The following GREM1 variants were observed in gnomAD, a reference collection of about 807,000 sequenced individuals.
GREM1 encodes gremlin-1.
Under a neutral mutation model 13.1 loss-of-function variants are expected in GREM1, and 6 were observed. The observed-to-expected ratio is 0.46, with a 90% confidence interval of 0.25 to 0.91. GREM1 has a LOEUF of 0.91. GREM1 is among the 40% of genes least tolerant of loss of function. GREM1 has a pLI of 0.18. For synonymous variants in GREM1, 98 were observed against 93.7 expected (o/e 1.05, Z -0.27); for missense variants, 185 against 233.9 (o/e 0.79, Z 1.36).
chr15:32,719,241 G>A (rs906838480), intron 1 of GREM1, among the ~76,000 whole-genome samples: 6 of 152,228 alleles, frequency 3.9e-5, no homozygotes, highest in Non-Finnish European at 1.5e-5. Context: ...TACAGACTCC[G>A]GAAGAACAGA....
rs555473242 is a variant in GREM1, at chr15:32,741,327, G to A, written c.*10082G>A. 18 of 151,910 alleles carry A rather than the reference G, an allele frequency of 1.2e-4. No individual in the cohort carries two copies. The South Asian group carries it at 3.3e-3, about 28-fold the overall frequency. The allele number at this position is 151,910 out of a possible 1,614,324, so 9.4% of individuals were successfully genotyped here. A position where few individuals can be genotyped will look rare whatever the true frequency, so the allele number is the denominator to read the frequency against. On this transcript the variant is annotated 3_prime_UTR_variant, in exon 2 of 2. Coordinates refer to ENST00000651154, the MANE Select transcript of GREM1 (RefSeq NM_013372.7). ...AAATCCTTTAGTAAACAGTATCTAA[G>A]CCTTGTTTTTATGATATTGGGGAAC...
chr15:32,731,364 C>G lies in GREM1; in HGVS notation c.*119C>G, dbSNP rs1161267141. On this transcript the variant is annotated 3_prime_UTR_variant, in exon 2 of 2. Transcript: ENST00000651154. ...AGGCCAGAAGAACCCCCAGCTGCCTCCTGGCAGGAGCCTGCTTGTGCGTAG... is the reference window on the plus strand; with the variant it reads ...AGGCCAGAAGAACCCCCAGCTGCCTGCTGGCAGGAGCCTGCTTGTGCGTAG... 1.3e-6 allele frequency: 1 copy of G among 755,210 alleles called. No homozygotes were observed. The highest frequency in any genetic ancestry group is 1.8e-5 in the African/African-American group (1 of 56,696). The allele number at this position is 755,210 out of a possible 1,614,324, so 46.8% of individuals were successfully genotyped here.
chr15:32,730,568 A>G (rs552325484), intron 1 of GREM1, 122 bp from the exon 2 acceptor site: 2 of 674,946 alleles, frequency 3.0e-6, no homozygotes, highest in Non-Finnish European at 5.0e-6. Context: ...GTGAGAAGTA[A>G]ATGGAATATT....
chr15:32,730,895 C>A lies in GREM1; in HGVS notation c.205C>A (p.Pro69Thr). Residue 69 changes from proline to threonine, a missense_variant, in exon 2 of 2, where the codon CCC becomes ACC. By Grantham distance (38) the Pro-to-Thr change is conservative. Transcript: ENST00000651154. ...GGGCCAAGGGCGGGGCACTGCCATG[C>A]CCGGGGAGGAGGTGCTGGAGTCCAG... ...GRGQGRGTAM[P>T]GEEVLESSQE... 1 of 1,613,524 alleles carries A rather than the reference C, an allele frequency of 6.2e-7. No individual in the cohort carries two copies.
rs67118209 is a variant in GREM1, at chr15:32,738,083, C to CAAAAAAAAAAAAAAAAAAAAAAA, written c.*6866_*6888dup. The CAAAAAAAAAAAAAAAAAAAAAAA allele has an allele frequency of 4.8e-4, 9 of 18,928 alleles. 2 individuals are homozygous for CAAAAAAAAAAAAAAAAAAAAAAA. Among genetic ancestry groups the CAAAAAAAAAAAAAAAAAAAAAAA allele is most frequent in the Non-Finnish European group, 5.2e-4 (6 of 11,648 alleles). The allele number at this position is 18,928 out of a possible 1,614,324, so 1.2% of individuals were successfully genotyped here. ...GGAGGTTCTACCTAGGGTAATTAGG[C>CAAAAAAAAAAAAAAAAAAAAAAA]AAAAAAAAAAAAAAAAAAAAAAAAA... On this transcript the variant is annotated 3_prime_UTR_variant, in exon 2 of 2. Transcript: ENST00000651154.
In GREM1 at chr15:32,733,970, A is replaced by G. The variant is rs2055663983; in HGVS notation, c.*2725A>G. The G allele has an allele frequency of 4.1e-6, 1 of 241,062 alleles. No homozygotes were observed. The highest frequency in any genetic ancestry group is 5.7e-5 in the Admixed American group (1 of 17,564). The allele number at this position is 241,062 out of a possible 1,614,324, so 14.9% of individuals were successfully genotyped here. The stretch of plus-strand genomic sequence containing the variant: ...CACTGTGTGGAATGTGAATAGTTAA[A>G]TGAAAAGTTATGGTTATTTAATGTA... On this transcript the variant is annotated 3_prime_UTR_variant, in exon 2 of 2. Transcript: ENST00000651154.
Position 32,733,397 on chromosome 15 carries a change from A to C in GREM1, c.*2152A>C, listed in dbSNP as rs1177947953. On this transcript the variant is annotated 3_prime_UTR_variant, in exon 2 of 2. Transcript: ENST00000651154. ...ACACTGAATTTCTCTTGTTGTTTTA[A>C]CTCTGCCACAAGAATGCAATTTCGT... 4.4e-6 allele frequency: 1 copy of C among 227,020 alleles called. No homozygotes were observed. The highest frequency in any genetic ancestry group is 9.5e-6 in the Non-Finnish European group (1 of 104,720). The allele number at this position is 227,020 out of a possible 1,614,324, so 14.1% of individuals were successfully genotyped here. A position where few individuals can be genotyped will look rare whatever the true frequency, so the allele number is the denominator to read the frequency against.
intron 1 of GREM1, among the ~76,000 whole-genome samples, chr15:32,730,123 C>T (rs1567112500): frequency 6.6e-6 from 1 of 152,200 alleles, no homozygotes. Flanking sequence ...AGTTACTGCA[C>T]CAGGAGCGCG....
intron 1 of GREM1, among the ~76,000 whole-genome samples, chr15:32,725,549 T>C (rs1165076717): frequency 6.6e-6 from 1 of 152,236 alleles, no homozygotes; most frequent in Non-Finnish European, 1.5e-5. Context: ...CTTTGTCAGA[T>C]GGATAGACTG....
At position 32,733,397 on chromosome 15, in the gene GREM1, ACT is replaced by A; in HGVS notation, c.*2155_*2156del. 4.4e-6 allele frequency: 1 copy of A among 227,138 alleles called. No individual in the cohort carries two copies. The highest frequency in any genetic ancestry group is 1.9e-4 in the South Asian group (1 of 5,364). 14.1% of individuals were successfully genotyped at this position (227,138 alleles called of 1,614,324 possible). ...ACACTGAATTTCTCTTGTTGTTTTA[ACT>A]CTGCCACAAGAATGCAATTTCGTTA... On this transcript the variant is annotated 3_prime_UTR_variant, in exon 2 of 2. Transcript: ENST00000651154.
Position 32,733,152 on chromosome 15 carries a change from G to A in GREM1, c.*1907G>A, listed in dbSNP as rs201393123. 6 of 229,994 alleles carry A rather than the reference G, an allele frequency of 2.6e-5. No individual in the cohort carries two copies. The highest frequency in any genetic ancestry group is 5.8e-5 in the Admixed American group (1 of 17,136). 14.2% of individuals were successfully genotyped at this position (229,994 alleles called of 1,614,324 possible). On this transcript the variant is annotated 3_prime_UTR_variant, in exon 2 of 2. Transcript: ENST00000651154. ...ACTACTGATGATTCTCACGCTAGGC[G>A]AATTTGTCCAAACACATAGTGTGTG... is the stretch of plus-strand genomic sequence containing the variant.
rs1009463998 is a variant in GREM1, at chr15:32,744,267, G to A, written c.*13022G>A. The A allele has an allele frequency of 3.3e-5, 5 of 152,004 alleles. No individual in the cohort carries two copies. The highest frequency in any genetic ancestry group is 5.9e-5 in the Non-Finnish European group (4 of 67,996). The allele number at this position is 152,004 out of a possible 1,614,324, so 9.4% of individuals were successfully genotyped here. A position where few individuals can be genotyped will look rare whatever the true frequency, so the allele number is the denominator to read the frequency against. On this transcript the variant is annotated 3_prime_UTR_variant, in exon 2 of 2. Coordinates refer to ENST00000651154, the MANE Select transcript of GREM1 (RefSeq NM_013372.7). The stretch of plus-strand genomic sequence containing the variant: ...AGTGCCCTAACCAGTATCTACATCT[G>A]AGTCATTAAGAAAGTTTCAGACAGG...
At chr15:32,720,995 A>G (rs924607284) in intron 1 of GREM1, among the ~76,000 whole-genome samples, 5 of 152,178 alleles carry the variant, frequency 3.3e-5, no homozygotes, top group South Asian at 2.1e-4. Flanking sequence ...CGTCTCTACT[A>G]AAAACACAAA....
At position 32,724,871 on chromosome 15, in the gene GREM1, G is replaced by A. The variant is rs530736658; in HGVS notation, c.-1-5819G>A. Reference sequence around the variant, plus strand: ...TTCTCATTGTTCAACTCCCACTTATGAGTGAGAGCATGCGGTGTTTGGTTT... The same window carrying A: ...TTCTCATTGTTCAACTCCCACTTATAAGTGAGAGCATGCGGTGTTTGGTTT... On this transcript the variant is annotated intron_variant, in intron 1 of 1. Coordinates refer to ENST00000651154, the MANE Select transcript of GREM1 (RefSeq NM_013372.7). Among the ~76,000 whole-genome samples the A allele has an allele frequency of 2.0e-4, 30 of 149,956 alleles. 2 individuals carry two copies. Among genetic ancestry groups the A allele is most frequent in the Middle Eastern group, 3.4e-3 (1 of 290 alleles).
At chr15:32,720,043 C>G (rs1011624247) in intron 1 of GREM1, among the ~76,000 whole-genome samples, 5 of 152,038 alleles carry the variant, frequency 3.3e-5, no homozygotes, top group South Asian at 2.1e-4. Context: ...TTAACTATTT[C>G]AGGGATTTTT....
At chr15:32,729,835 AT>A (rs1341288855) in intron 1 of GREM1, among the ~76,000 whole-genome samples, 1 of 123,276 alleles carries the variant, frequency 8.1e-6, no homozygotes, top group African/African-American at 2.6e-5. Context: ...AGGTAGAAAA[AT>A]GTATATCGTG....
rs2055628025 is a variant in GREM1 at position 32,732,040 on chromosome 15, C to T, written c.*795C>T. On this transcript the variant is annotated 3_prime_UTR_variant, in exon 2 of 2. Transcript: ENST00000651154. The stretch of plus-strand genomic sequence containing the variant: ...TAGTATTTAACAGAACCCAAGTGAA[C>T]AGAGGAGAAATGAGATTGCCAGAAA... 1 of 234,062 alleles carries T rather than the reference C, an allele frequency of 4.3e-6. No homozygotes were observed. Among genetic ancestry groups the T allele is most frequent in the African/African-American group, 2.2e-5 (1 of 44,584 alleles). The allele number at this position is 234,062 out of a possible 1,614,324, so 14.5% of individuals were successfully genotyped here.
Position 32,734,584 on chromosome 15 carries a change from T to C in GREM1, c.*3339T>C, listed in dbSNP as rs1199240995. The C allele has an allele frequency of 8.1e-6, 2 of 246,974 alleles. No individual in the cohort carries two copies. Among genetic ancestry groups the C allele is most frequent in the Non-Finnish European group, 8.5e-6 (1 of 117,488 alleles). 15.3% of individuals were successfully genotyped at this position (246,974 alleles called of 1,614,324 possible). A position where few individuals can be genotyped will look rare whatever the true frequency, so the allele number is the denominator to read the frequency against. On this transcript the variant is annotated 3_prime_UTR_variant, in exon 2 of 2. Transcript: ENST00000651154. ...TTTGGCTTCAAGTTTCATGAATCTG[T>C]AACTAGAATTTAATTTTCACCCCAA...
At position 32,734,611 on chromosome 15, in the gene GREM1, A is replaced by G; in HGVS notation, c.*3366A>G. ...ACTAGAATTTAATTTTCACCCCAAT[A>G]ATGTTCTATATAGCCTTTGCTAAAG... is the stretch of plus-strand genomic sequence containing the variant. On this transcript the variant is annotated 3_prime_UTR_variant, in exon 2 of 2. Transcript: ENST00000651154. 1 of 246,220 alleles carries G rather than the reference A, an allele frequency of 4.1e-6. No individual in the cohort carries two copies. The highest frequency in any genetic ancestry group is 8.5e-6 in the Non-Finnish European group (1 of 117,110). 15.3% of individuals were successfully genotyped at this position (246,220 alleles called of 1,614,324 possible).
Sources: allele counts gnomAD v4.1 joint callset (sites outside exome capture counted in the v4.1 genomes callset), GRCh38; gene constraint gnomAD v4.1.1; transcripts MANE v1.5; gene names NCBI Gene and HGNC (gene_info 2026-07-23, HGNC 2026-07-21).